The following MSI2 variants were observed in gnomAD, a reference collection of about 807,000 sequenced individuals.
MSI2 encodes the protein musashi RNA binding protein 2.
A neutral mutation model predicts 45.6 loss-of-function variants in MSI2; 17 were observed. The observed-to-expected ratio is 0.37, with a 90% CI of 0.26 to 0.56. The LOEUF is 0.56. MSI2 is among the 20% of genes least tolerant of loss of function. MSI2 has a pLI of 0.77. For synonymous variants in MSI2, 156 were observed against 158.2 expected, an observed-to-expected ratio of 0.99 and a Z score of 0.11; for missense variants, 293 against 444.2, an observed-to-expected ratio of 0.66 and a Z score of 3.06.
At chr17:57,401,620 CAGAA>C in intron 6 of MSI2, 149 bp downstream of exon 6, 1 of 638,880 alleles carries the variant, frequency 1.6e-6, no homozygotes, top group Non-Finnish European at 2.8e-6. Context: ...TGAAATTCAG[CAGAA>C]GCTGAGATGG....
chr17:57,659,056 TTTGGTTGGTTGG>T (rs199585902), intron 11 of MSI2, among the ~76,000 whole-genome samples: 2 of 108,018 alleles, frequency 1.9e-5, no homozygotes, highest in Non-Finnish European at 4.2e-5. Flanking sequence ...TTTTTTTTTA[TTTGGTTGGTTGG>T]TTGGTTGGTT....
chr17:57,490,141 G>T, intron 6 of MSI2, among the ~76,000 whole-genome samples: 1 of 152,294 alleles, frequency 6.6e-6, no homozygotes, highest in South Asian at 2.1e-4. Context: ...ATAAAATGGG[G>T]ATCATCAAGC....
intron 6 of MSI2, among the ~76,000 whole-genome samples, chr17:57,458,032 C>G (rs180985979): frequency 1.2e-3 from 186 of 151,014 alleles, no homozygotes; most frequent in African/African-American, 4.4e-3. Context: ...AAATAGATAT[C>G]AGATACCATA....
intron 8 of MSI2, 111 bp from the exon 9 acceptor site, chr17:57,615,859 T>C (rs1489366436): frequency 3.9e-6 from 3 of 764,704 alleles, no homozygotes; most frequent in Non-Finnish European, 4.3e-6. Flanking sequence ...ATTTTTACAG[T>C]GGGTAAGGAG....
chr17:57,324,202 G>T (rs1433234343), intron 5 of MSI2, among the ~76,000 whole-genome samples: 1 of 152,190 alleles, frequency 6.6e-6, no homozygotes, highest in East Asian at 1.9e-4. Context: ...GGCCTTGGAG[G>T]AGGGGTGGCC....
In MSI2 at chr17:57,552,690, C is replaced by T. The variant is rs116823387; in HGVS notation, c.454+22966C>T. ...TCTCTGGCTTCTGAGCTTCACCCAA[C>T]CCTCTCTGAGCCCCAACATGGGGGA... is the stretch of plus-strand genomic sequence containing the variant. On this transcript the variant is annotated intron_variant, in intron 7 of 13. Coordinates refer to ENST00000284073, the MANE Select transcript of MSI2 (RefSeq NM_138962.4). The surrounding 1 kb of genome is among the most constrained non-coding windows in gnomAD (Gnocchi z 4.3). Among the ~76,000 whole-genome samples, 1,403 of 152,358 alleles carry T rather than the reference C, an allele frequency of 9.2e-3. 19 individuals carry two copies. The highest frequency in any genetic ancestry group is 0.031 in the African/African-American group (1,309 of 41,588).
intron 6 of MSI2, chr17:57,450,373 A>ACCTTTGTT (rs2084992955): frequency 6.6e-6 from 1 of 152,076 alleles, no homozygotes. Context: ...TCCTTAGAAA[A>ACCTTTGTT]AAATTTAAAC....
At chr17:57,645,772 C>A (rs11651503) in intron 10 of MSI2, among the ~76,000 whole-genome samples, 1 of 151,932 alleles carries the variant, frequency 6.6e-6, no homozygotes, top group Non-Finnish European at 1.5e-5. Flanking sequence ...GCTCTGCAGA[C>A]CAAGTAATCA....
At chr17:57,524,646 G>A (rs1205993277) in intron 6 of MSI2, among the ~76,000 whole-genome samples, 1 of 152,226 alleles carries the variant, frequency 6.6e-6, no homozygotes, top group Non-Finnish European at 1.5e-5. Flanking sequence ...GGGCAAGTTG[G>A]TTGCCACTAA....
Position 57,545,590 on chromosome 17 carries a change from G to A in MSI2, c.454+15866G>A, listed in dbSNP as rs142143171. On this transcript the variant is annotated intron_variant, in intron 7 of 13. Transcript: ENST00000284073. ...TCCACAAAGGGCATCACCGATGGGG[G>A]GACCAGTAAATAGAGCTGTCTGAAG... 2.9e-4 allele frequency among the ~76,000 whole-genome samples: 44 copies of A among 152,256 alleles called. No individual in the cohort carries two copies. In the East Asian group the frequency reaches 7.7e-3, roughly 27 times the overall value.
chr17:57,593,215 G>A lies in MSI2; in HGVS notation c.455-3653G>A, dbSNP rs140045809. 3.2e-4 allele frequency among the ~76,000 whole-genome samples: 48 copies of A among 152,270 alleles called. 1 individual carries two copies. In the East Asian group the frequency reaches 3.9e-3, roughly 12 times the overall value. On this transcript the variant is annotated intron_variant, in intron 7 of 13. Coordinates refer to ENST00000284073, the MANE Select transcript of MSI2 (RefSeq NM_138962.4). ...AGCAGGCCTGGCGGGAGGAGGTTGC[G>A]TGCAGCCCCCCTGTGTGGGATATGG...
intron 5 of MSI2, among the ~76,000 whole-genome samples, chr17:57,338,248 C>T (rs776337258): frequency 6.6e-6 from 1 of 152,036 alleles, no homozygotes; most frequent in Non-Finnish European, 1.5e-5. Flanking sequence ...GCCACTATGC[C>T]CAGCTAAATT....
At chr17:57,678,306 C>T (rs1360972620) in intron 13 of MSI2, among the ~76,000 whole-genome samples, 1 of 152,246 alleles carries the variant, frequency 6.6e-6, no homozygotes. Context: ...CACCCCTCGC[C>T]TCCACTTCCC....
intron 9 of MSI2, among the ~76,000 whole-genome samples, chr17:57,619,329 T>C (rs542009818): frequency 1.8e-4 from 27 of 152,356 alleles, no homozygotes; most frequent in African/African-American, 2.4e-4. Context: ...CACAAGCAGA[T>C]GTGCTTCCTG....
At chr17:57,685,476 C>G (rs1913853301), downstream of MSI2, 1 of 152,170 alleles carries the variant, frequency 6.6e-6, no homozygotes, top group African/African-American at 2.4e-5. Flanking sequence ...CTTCTTGGGT[C>G]CCTCCTCCAA....
rs7223877 is a variant in MSI2, at chr17:57,280,355, G to T, written c.312+18163G>T. ...GTGGGTACCCCAGGGGGCTGTGGGG[G>T]AATCAGTGAGTAAGTTGTTGTGGTG... On this transcript the variant is annotated intron_variant, in intron 5 of 13. Transcript: ENST00000284073. This position sits in a 1 kb window ranked among gnomAD's most constrained non-coding sequence, Gnocchi z 4.2. 2.6e-5 allele frequency among the ~76,000 whole-genome samples: 4 copies of T among 151,896 alleles called. No homozygotes were observed. Among genetic ancestry groups the T allele is most frequent in the Admixed American group, 6.5e-5 (1 of 15,268 alleles).
chr17:57,617,942 G>A (rs978185463), intron 9 of MSI2, among the ~76,000 whole-genome samples: 4 of 152,000 alleles, frequency 2.6e-5, no homozygotes, highest in Non-Finnish European at 4.4e-5. Flanking sequence ...ACTGCAGCAC[G>A]TGCCCGTAAT....
chr17:57,693,637 T>A, the MSI2 span, among the ~76,000 whole-genome samples: 1 of 152,212 alleles, frequency 6.6e-6, no homozygotes, highest in East Asian at 1.9e-4. Context: ...CTCTAGCCTT[T>A]AATATATAGT....
At chr17:57,316,218 A>G (rs1912837831) in intron 5 of MSI2, among the ~76,000 whole-genome samples, 1 of 152,156 alleles carries the variant, frequency 6.6e-6, no homozygotes. Flanking sequence ...TAAGTAATAC[A>G]TTTACAATCT....
Sources: allele counts gnomAD v4.1 joint callset (sites outside exome capture counted in the v4.1 genomes callset), GRCh38; gene constraint gnomAD v4.1.1; non-coding constraint Gnocchi (gnomAD v3.1); transcripts MANE v1.5; gene names NCBI Gene and HGNC (gene_info 2026-07-23, HGNC 2026-07-21).